MNT: variants seen among roughly 807,000 people sequenced by gnomAD.
The protein encoded by MNT is MAX network transcriptional repressor, also known as max-binding protein MNT.
MNT carries 13 observed loss-of-function variants against 40.7 expected under a neutral mutation model. That is an observed-to-expected ratio of 0.32 (90% CI 0.21 to 0.51). The LOEUF is 0.51. MNT is among the 20% of genes least tolerant of loss of function. The pLI is 0.98. For synonymous variants in MNT, 426 were observed against 354.8 expected (o/e 1.20, Z -2.26); for missense variants, 757 against 792.0 (o/e 0.96, Z 0.53).
rs1043836582 is a variant in MNT, at chr17:2,386,900, C to T, written c.*1G>A. 5 of 1,466,438 alleles carry T rather than the reference C, an allele frequency of 3.4e-6. No individual in the cohort carries two copies. The highest frequency in any genetic ancestry group is 4.5e-6 in the Non-Finnish European group (5 of 1,106,928). 90.8% of individuals were successfully genotyped at this position (1,466,438 alleles called of 1,614,324 possible). A position where few individuals can be genotyped will look rare whatever the true frequency, so the allele number is the denominator to read the frequency against. On this transcript the variant is annotated 3_prime_UTR_variant, in exon 6 of 6. Transcript: ENST00000174618. ...CTGGGGGCCTCTGAGTGGCCTCGTC[C>T]TCAAGCCAGCTTGAGTGTGCTGACT...
At chr17:2,392,387 T>A (rs2151668488) in intron 4 of MNT, among the ~76,000 whole-genome samples, 1 of 152,282 alleles carries the variant, frequency 6.6e-6, no homozygotes, top group East Asian at 1.9e-4. Flanking sequence ...AGAGCTTCCT[T>A]CTGCGGCTGC....
chr17:2,400,739 CG>C lies in MNT; in HGVS notation c.-28del. Reference sequence around the variant, plus strand: ...GCGCCGAGAGCTGCCGGGGGCGCGCCGGGGCCGAGGCTGCGGCCCGCGAGCC... The same window carrying C: ...GCGCCGAGAGCTGCCGGGGGCGCGCCGGGCCGAGGCTGCGGCCCGCGAGCC... On this transcript the variant is annotated 5_prime_UTR_variant, in exon 1 of 6. Transcript: ENST00000174618. The C allele has an allele frequency of 6.6e-7, 1 of 1,515,896 alleles. No individual in the cohort carries two copies. The highest frequency in any genetic ancestry group is 8.8e-7 in the Non-Finnish European group (1 of 1,138,678). 93.9% of individuals were successfully genotyped at this position (1,515,896 alleles called of 1,614,324 possible). A position where few individuals can be genotyped will look rare whatever the true frequency, so the allele number is the denominator to read the frequency against.
chr17:2,388,172 G>T, intron 4 of MNT, 123 bp from the exon 5 acceptor site: 1 of 897,776 alleles, frequency 1.1e-6, no homozygotes, highest in Non-Finnish European at 1.7e-6. Context: ...AGCGGGCCCA[G>T]CCTGACGGGG....
rs1402216888 is a variant in MNT, at chr17:2,399,005, C to T, written c.73+1635G>A. On this transcript the variant is annotated intron_variant, in intron 1 of 5. Transcript: ENST00000174618. The stretch of plus-strand genomic sequence containing the variant: ...CCGCCCCTTGCCCGCTGCCGCTCCC[C>T]CCTTCCCCCACCCCCGCCCGCCGCG... Among the ~76,000 whole-genome samples the T allele has an allele frequency of 4.6e-5, 7 of 151,822 alleles. No individual in the cohort carries two copies. In the South Asian group the frequency reaches 1.0e-3, roughly 23 times the overall value.
chr17:2,397,378 C>T (rs1352713936), intron 1 of MNT, among the ~76,000 whole-genome samples: 1 of 152,108 alleles, frequency 6.6e-6, no homozygotes, highest in Non-Finnish European at 1.5e-5. Context: ...GATCCCAGGG[C>T]CTAACACAGA....
At position 2,395,384 on chromosome 17, in the gene MNT, C is replaced by T. The variant is rs771433131; in HGVS notation, c.144G>A (p.Arg48=). ...CCTCCACAGGAAGGGTATGTGCCAGCCTGGCCAGGCTATTGGCCTTCTTCT... is the reference window on the plus strand; with the variant it reads ...CCTCCACAGGAAGGGTATGTGCCAGTCTGGCCAGGCTATTGGCCTTCTTCT... ...QEQKKANSLA[R]LAHTLPVEEP... Residue 48 remains arginine (R), a synonymous_variant, in exon 2 of 6, where the codon AGG becomes AGA. Coordinates refer to ENST00000174618, the MANE Select transcript of MNT (RefSeq NM_020310.3). 5 of 1,613,560 alleles carry T rather than the reference C, an allele frequency of 3.1e-6. No individual in the cohort carries two copies.
chr17:2,387,922 A>G lies in MNT; in HGVS notation c.935T>C (p.Ile312Thr). The G allele has an allele frequency of 1.9e-6, 3 of 1,609,418 alleles. No individual in the cohort carries two copies. The highest frequency in any genetic ancestry group is 2.5e-6 in the Non-Finnish European group (3 of 1,179,270). Residue 312 changes from isoleucine to threonine, a missense_variant, in exon 5 of 6, where the codon ATT (isoleucine) becomes ACT (threonine). Physicochemically the swap from Ile to Thr is moderately conservative, Grantham distance 89 (BLOSUM62 -1). This residue lies in a region of MNT where 345 missense variants were observed against 380.1 expected (regional missense o/e 0.91). Coordinates refer to ENST00000174618, the MANE Select transcript of MNT (RefSeq NM_020310.3). ...ELSQWMDVLE[I>T]DRVLRQTGQP... ...GCCCGTCTGCCGCAGCACGCGGTCA[A>G]TCTCCAGTACGTCCATCCACTGGCT...
In MNT at chr17:2,387,258, G is replaced by A. The variant is rs1206135977; in HGVS notation, c.1392C>T (p.Gly464=). ...TVNHVLQGPG[G]KHIAHIAPSA... ...AGGGGGCGATGTGGGCGATGTGCTTGCCGCCTGGCCCCTGCAGAACGTGGT... is the reference window on the plus strand; with the variant it reads ...AGGGGGCGATGTGGGCGATGTGCTTACCGCCTGGCCCCTGCAGAACGTGGT... Residue 464 remains glycine (G), a synonymous_variant, in exon 6 of 6, where the codon GGC becomes GGT. Transcript: ENST00000174618. 6.2e-7 allele frequency: 1 copy of A among 1,613,028 alleles called. No homozygotes were observed. The highest frequency in any genetic ancestry group is 1.7e-5 in the Admixed American group (1 of 59,940).
chr17:2,393,511 C>A (rs950330774), intron 4 of MNT, among the ~76,000 whole-genome samples: 19 of 152,186 alleles, frequency 1.2e-4, no homozygotes, highest in African/African-American at 4.1e-4. Context: ...ACCCCACACT[C>A]GGGCCGTGGC....
At position 2,395,018 on chromosome 17, in the gene MNT, G is replaced by T. The variant is rs142423617; in HGVS notation, c.510C>A (p.Pro170=). ...GTGGCGCTATGGTCAGGACAGGCGT[G>T]GGGAGGGGCTGCAAAGGCTTGGGGC... ...NGSPKPLQPL[P]TPVLTIAPHP... Residue 170 remains proline (P), a synonymous_variant, in exon 2 of 6, where the codon CCC becomes CCA. Transcript: ENST00000174618. 47 of 1,599,224 alleles carry T rather than the reference G, an allele frequency of 2.9e-5. 1 individual carries two copies. The highest frequency in any genetic ancestry group is 1.7e-4 in the Middle Eastern group (1 of 6,004).
At position 2,386,757 on chromosome 17, in the gene MNT, T is replaced by C. The variant is rs1206310362; in HGVS notation, c.*144A>G. On this transcript the variant is annotated 3_prime_UTR_variant, in exon 6 of 6. Transcript: ENST00000174618. ...CCTTCCCTCCCTTGGCTCAGAGTCT[T>C]TGCACCCCCTTCCCCTAGGAGGCCT... 8.5e-6 allele frequency: 7 copies of C among 823,258 alleles called. No homozygotes were observed. The African/African-American group carries it at 1.3e-4, about 15-fold the overall frequency. 51.0% of individuals were successfully genotyped at this position (823,258 alleles called of 1,614,324 possible).
At chr17:2,395,530 C>G in intron 1 of MNT, 76 bp from the exon 2 acceptor site, 1 of 1,588,604 alleles carries the variant, frequency 6.3e-7, no homozygotes, top group South Asian at 1.1e-5. Flanking sequence ...TCCTCTGACC[C>G]TAGCCCAGTC....
intron 1 of MNT, among the ~76,000 whole-genome samples, chr17:2,397,272 C>T (rs2066584743): frequency 6.6e-6 from 1 of 152,158 alleles, no homozygotes; most frequent in South Asian, 2.1e-4. Context: ...CCGCAGTGGC[C>T]AAGCAGCCTG....
At chr17:2,390,628 C>CCT (rs1486897956) in intron 4 of MNT, 2 of 152,172 alleles carry the variant, frequency 1.3e-5, no homozygotes, top group African/African-American at 4.8e-5. Context: ...GAAAATACTC[C>CCT]CTGTTGCCAA....
intron 4 of MNT, 129 bp from the exon 5 acceptor site, chr17:2,388,178 C>A: frequency 1.2e-6 from 1 of 859,082 alleles, no homozygotes; most frequent in South Asian, 1.8e-5. Flanking sequence ...CCCAGCCTGA[C>A]GGGGGCTGCT....
At chr17:2,388,185 T>G in intron 4 of MNT, 136 bp from the exon 5 acceptor site, 1 of 775,218 alleles carries the variant, frequency 1.3e-6, no homozygotes, top group Non-Finnish European at 2.0e-6. Context: ...TGACGGGGGC[T>G]GCTGGAGACC....
chr17:2,387,205 G>A lies in MNT; in HGVS notation c.1445C>T (p.Ala482Val), dbSNP rs751790336. Residue 482 changes from alanine to valine, a missense_variant, in exon 6 of 6, where the codon GCG becomes GTG. Ala to Val is a moderately conservative substitution (Grantham distance 64). Transcript: ENST00000174618. ...GTGCCCAATGGGGGGTGTGGCAGGCGCCAGTTGCACCGCAGGGCTGGGGGC... is the reference window on the plus strand; with the variant it reads ...GTGCCCAATGGGGGGTGTGGCAGGCACCAGTTGCACCGCAGGGCTGGGGGC... ...PSAPSPAVQL[A>V]PATPPIGHIT... 3.1e-6 allele frequency: 5 copies of A among 1,608,168 alleles called. No individual in the cohort carries two copies. The highest frequency in any genetic ancestry group is 3.4e-5 in the Admixed American group (2 of 58,664).
At chr17:2,388,745 C>A (rs1037387504) in intron 4 of MNT, among the ~76,000 whole-genome samples, 1 of 152,168 alleles carries the variant, frequency 6.6e-6, no homozygotes, top group Non-Finnish European at 1.5e-5. Flanking sequence ...ATGGCTGTTG[C>A]GTCCCATGAC....
intron 4 of MNT, 70 bp downstream of exon 4, chr17:2,393,973 C>G (rs1005627697): frequency 3.7e-6 from 4 of 1,086,516 alleles, no homozygotes; most frequent in Admixed American, 3.3e-5. Flanking sequence ...CGGGGCGGGG[C>G]GCGGCCGGGG....
Sources: allele counts gnomAD v4.1 joint callset (sites outside exome capture counted in the v4.1 genomes callset), GRCh38; gene constraint gnomAD v4.1.1; regional missense constraint gnomAD v4.1.1; transcripts MANE v1.5; gene names NCBI Gene and HGNC (gene_info 2026-07-23, HGNC 2026-07-21).